PLS3: variants seen among roughly 807,000 people sequenced by gnomAD.
The protein encoded by PLS3 is plastin 3, also known as plastin-3.
In PLS3, 11 loss-of-function variants were observed where a neutral mutation model predicts 46.5. That is an observed-to-expected ratio of 0.24 (90% CI 0.15 to 0.39). PLS3 has a LOEUF of 0.39. PLS3 is among the 10% of genes least tolerant of loss of function. The pLI is 1.00. For missense variants in PLS3, 308 were observed against 461.8 expected (o/e 0.67, Z 3.05); for synonymous variants, 167 against 162.2 (o/e 1.03, Z -0.22).
At position 115,645,828 on chromosome X, in the gene PLS3, G is replaced by C. The variant is rs192352748; in HGVS notation, c.1263-244G>C. On this transcript the variant is annotated intron_variant, in intron 11 of 15. Transcript: ENST00000355899. The stretch of plus-strand genomic sequence containing the variant: ...TCTCTGACTCTAATGCAAGGACAGG[G>C]ATTTTTGTCCTGTGGGCCCAGCCTC... 1.9e-3 allele frequency among the ~76,000 whole-genome samples: 214 copies of C among 111,824 alleles called. 1 individual carries two copies. Among genetic ancestry groups the C allele is most frequent in the African/African-American group, 6.7e-3 (206 of 30,778 alleles).
At chrX:115,631,045 TTA>T (rs60211968) in intron 5 of PLS3, among the ~76,000 whole-genome samples, 7 of 94,555 alleles carry the variant, frequency 7.4e-5, no homozygotes, top group East Asian at 6.2e-4. Flanking sequence ...TAATATAACA[TTA>T]TATATATATA....
intron 1 of PLS3, among the ~76,000 whole-genome samples, chrX:115,582,264 A>G (rs2074283480): frequency 1.8e-5 from 2 of 112,002 alleles, no homozygotes; most frequent in African/African-American, 3.2e-5. Flanking sequence ...TTACTCATGC[A>G]TAGGTGACTT....
At chrX:115,640,995 A>C (rs1479491936) in intron 9 of PLS3, among the ~76,000 whole-genome samples, 1 of 110,888 alleles carries the variant, frequency 9.0e-6, no homozygotes, top group Non-Finnish European at 1.9e-5. Flanking sequence ...TATGTCACTA[A>C]TTTGTTTAGT....
At chrX:115,622,075 G>C in intron 2 of PLS3, 171 bp from the exon 3 acceptor site, 1 of 419,297 alleles carries the variant, frequency 2.4e-6, no homozygotes, top group South Asian at 4.6e-5. Context: ...GTAAAACCTT[G>C]CTTTTTCCAT....
intron 1 of PLS3, among the ~76,000 whole-genome samples, chrX:115,576,097 C>T (rs2074246921): frequency 1.8e-5 from 2 of 111,710 alleles, no homozygotes; most frequent in Non-Finnish European, 3.8e-5. Flanking sequence ...CCATATAGAA[C>T]AAAATTCAAA....
chrX:115,643,578 C>T, intron 10 of PLS3, 70 bp downstream of exon 10: 1 of 602,546 alleles, frequency 1.7e-6, no homozygotes, highest in Non-Finnish European at 2.6e-6. Context: ...AATGATTTTA[C>T]AATCTAGACT....
At chrX:115,627,534 T>A (rs978199730) in intron 3 of PLS3, among the ~76,000 whole-genome samples, 3 of 111,982 alleles carry the variant, frequency 2.7e-5, no homozygotes, top group Admixed American at 9.6e-5. Context: ...AGCTATAGGA[T>A]CAAAATGCAT....
chrX:115,647,757 G>A, intron 14 of PLS3, 84 bp downstream of exon 14: 1 of 1,124,221 alleles, frequency 8.9e-7, no homozygotes, highest in Non-Finnish European at 1.2e-6. Flanking sequence ...GCTTCTTTGT[G>A]AGTGAGAATT....
chrX:115,581,777 T>C (rs2074280883), intron 1 of PLS3, among the ~76,000 whole-genome samples: 2 of 112,434 alleles, frequency 1.8e-5, no homozygotes, highest in African/African-American at 6.5e-5. Flanking sequence ...TATAACATTA[T>C]GAATGTGGGA....
intron 1 of PLS3, among the ~76,000 whole-genome samples, chrX:115,576,061 A>G (rs1482157587): frequency 8.9e-6 from 1 of 112,170 alleles, no homozygotes; most frequent in Non-Finnish European, 1.9e-5. Context: ...TTACTTTTAA[A>G]TGTACTATTC....
chrX:115,564,492 C>G (rs1178403065), intron 1 of PLS3, among the ~76,000 whole-genome samples: 6 of 112,050 alleles, frequency 5.4e-5, no homozygotes, highest in African/African-American at 1.9e-4. Context: ...GATTTTTCTC[C>G]CAGGAGAACA....
chrX:115,616,630 A>G (rs1387862034), intron 2 of PLS3, among the ~76,000 whole-genome samples: 2 of 111,753 alleles, frequency 1.8e-5, no homozygotes, highest in African/African-American at 3.2e-5. Flanking sequence ...GATCTTTGAT[A>G]TTGTTTAAGG....
At chrX:115,622,133 G>A (rs999359855) in intron 2 of PLS3, 113 bp from the exon 3 acceptor site, 1 of 584,886 alleles carries the variant, frequency 1.7e-6, no homozygotes, top group Non-Finnish European at 2.7e-6. Flanking sequence ...CCCACAATAA[G>A]AAAATATTTT....
chrX:115,561,968 G>A lies in PLS3; in HGVS notation c.-9+708G>A, dbSNP rs1230395315. Among the ~76,000 whole-genome samples, 7 of 110,665 alleles carry A rather than the reference G, an allele frequency of 6.3e-5. No individual in the cohort carries two copies. The Admixed American group carries it at 6.7e-4, about 11-fold the overall frequency. ...TAGGAGAACATCTCTGGGCTAGTAG[G>A]ACAGTACCTTTCCGTTCTCCCCTGG... On this transcript the variant is annotated intron_variant, in intron 1 of 15. Coordinates refer to ENST00000355899, the MANE Select transcript of PLS3 (RefSeq NM_005032.7).
chrX:115,635,650 CAA>C (rs10606256), intron 7 of PLS3, among the ~76,000 whole-genome samples: 214 of 21,876 alleles, frequency 9.8e-3, no homozygotes, highest in African/African-American at 0.021. Flanking sequence ...GACTCTGTCT[CAA>C]AAAAAAAAAA....
chrX:115,614,291 G>A, intron 2 of PLS3: 2 of 751,731 alleles, frequency 2.7e-6, no homozygotes, highest in Non-Finnish European at 3.1e-6. Flanking sequence ...TTTTTAAAAC[G>A]AGAGTTGCAG....
chrX:115,611,043 A>AG, intron 2 of PLS3: 2 of 400,289 alleles, frequency 5.0e-6, no homozygotes, highest in Non-Finnish European at 4.4e-6. Context: ...GTGCTTAGAG[A>AG]GGTAGATTAT....
intron 1 of PLS3, among the ~76,000 whole-genome samples, chrX:115,579,164 A>G (rs2074266287): frequency 8.9e-6 from 1 of 112,266 alleles, no homozygotes; most frequent in Admixed American, 9.5e-5. Flanking sequence ...GATATATAGT[A>G]TGTAGCCTTT....
intron 1 of PLS3, among the ~76,000 whole-genome samples, chrX:115,573,482 G>A (rs782684121): frequency 1.3e-4 from 15 of 112,164 alleles, no homozygotes; most frequent in South Asian, 7.4e-4. Context: ...TAGATGTTGC[G>A]CCCAGCATGT....
Sources: allele counts gnomAD v4.1 joint callset (sites outside exome capture counted in the v4.1 genomes callset), GRCh38; gene constraint gnomAD v4.1.1; transcripts MANE v1.5; gene names NCBI Gene and HGNC (gene_info 2026-07-23, HGNC 2026-07-21).